The following SAMD9 variants were observed in gnomAD, a reference collection of about 807,000 sequenced individuals.
SAMD9 encodes sterile alpha motif domain containing 9.
In SAMD9, 3 loss-of-function variants were observed where a neutral mutation model predicts 1.5. The ratio of observed to expected loss-of-function variants is 2.05; its 90% CI spans 0.93 to 5.29. The LOEUF is 5.29. SAMD9 is among the 30% of genes most tolerant of loss of function. SAMD9 has a pLI of 0.02. For synonymous variants in SAMD9, 635 were observed against 631.9 expected (o/e 1.00, Z -0.07); for missense variants, 1,597 against 1,820.8 (o/e 0.88, Z 2.24).
At position 93,101,260 on chromosome 7, in the gene SAMD9, T is replaced by C; in HGVS notation, c.*68A>G. 2 of 1,273,502 alleles carry C rather than the reference T, an allele frequency of 1.6e-6. No individual in the cohort carries two copies. Among genetic ancestry groups the C allele is most frequent in the African/African-American group, 1.5e-5 (1 of 68,484 alleles). 78.9% of individuals were successfully genotyped at this position (1,273,502 alleles called of 1,614,324 possible). On this transcript the variant is annotated 3_prime_UTR_variant, in exon 3 of 3. Transcript: ENST00000379958. Reference sequence around the variant, plus strand: ...TCTATAACCTTGCCGGTTTAAAGCATAGATCTTGAGTCCAAAAAAATTAAA... The same window carrying C: ...TCTATAACCTTGCCGGTTTAAAGCACAGATCTTGAGTCCAAAAAAATTAAA...
chr7:93,104,452 A>G lies in SAMD9; in HGVS notation c.1646T>C (p.Val549Ala), dbSNP rs1584253938. ...AATGAGGGGATCTCTTGGGTCATCC[A>G]CAGAGGACAGTAATAGAAATACCAC... Reference protein sequence around the residue: ...FLVVFLLLSSVDDPRDPLIET... With the variant: ...FLVVFLLLSSADDPRDPLIET... Residue 549 changes from valine (V) to alanine (A), a missense_variant, in exon 3 of 3, where the codon GTG (valine) becomes GCG (alanine). Physicochemically the swap from Val to Ala is moderately conservative, Grantham distance 64. Around this residue, in one of 6 missense-constraint regions of SAMD9, gnomAD observed 358 missense variants for 460.4 expected, o/e 0.78. Transcript: ENST00000379958. 1.9e-6 allele frequency: 3 copies of G among 1,614,006 alleles called. No individual in the cohort carries two copies. Among genetic ancestry groups the G allele is most frequent in the East Asian group, 2.2e-5 (1 of 44,876 alleles).
At chr7:93,114,072 G>C (rs1372252621) in intron 2 of SAMD9, among the ~76,000 whole-genome samples, 1 of 152,052 alleles carries the variant, frequency 6.6e-6, no homozygotes, top group Non-Finnish European at 1.5e-5. Flanking sequence ...TTGATAGACT[G>C]GATTAAGAAA....
intron 2 of SAMD9, among the ~76,000 whole-genome samples, chr7:93,113,581 T>C (rs1257222348): frequency 2.0e-5 from 3 of 152,186 alleles, no homozygotes; most frequent in Non-Finnish European, 2.9e-5. Flanking sequence ...ATCCGGAATC[T>C]ATGAAGAACT....
intron 1 of SAMD9, among the ~76,000 whole-genome samples, chr7:93,115,265 T>C (rs1791815046): frequency 6.6e-6 from 1 of 152,258 alleles, no homozygotes; most frequent in Admixed American, 6.5e-5. Flanking sequence ...AGTGGAGCTC[T>C]CATATGCTGT....
At chr7:93,114,061 A>G (rs1451536168) in intron 2 of SAMD9, among the ~76,000 whole-genome samples, 1 of 152,154 alleles carries the variant, frequency 6.6e-6, no homozygotes, top group Non-Finnish European at 1.5e-5. Flanking sequence ...AATGTCCATC[A>G]TTGATAGACT....
chr7:93,102,722 C>A lies in SAMD9; in HGVS notation c.3376G>T (p.Val1126Phe). 3 of 1,613,876 alleles carry A rather than the reference C, an allele frequency of 1.9e-6. No homozygotes were observed. Among genetic ancestry groups the A allele is most frequent in the Non-Finnish European group, 2.5e-6 (3 of 1,179,774 alleles). The change falls in exon 3 of 3, where the codon GTC (valine) becomes TTC (phenylalanine). Residue 1126 changes from valine to phenylalanine, a missense_variant. This residue lies in a region of SAMD9 where 682 missense variants were observed against 810.0 expected (regional missense o/e 0.84). Transcript: ENST00000379958. ...CACCATCTTATTTTACTTTTGTAGACTTGACCCAGTGTATCTGAGATATAA... is the reference window on the plus strand; with the variant it reads ...CACCATCTTATTTTACTTTTGTAGAATTGACCCAGTGTATCTGAGATATAA... ...NSYISDTLGQ[V>F]YKSKIRWWIE...
In SAMD9 at chr7:93,100,444, T is replaced by A. The variant is rs1791508444; in HGVS notation, c.*884A>T. 2 of 152,200 alleles carry A rather than the reference T, an allele frequency of 1.3e-5. No homozygotes were observed. The allele number at this position is 152,200 out of a possible 1,614,324, so 9.4% of individuals were successfully genotyped here. On this transcript the variant is annotated 3_prime_UTR_variant, in exon 3 of 3. Coordinates refer to ENST00000379958, the MANE Select transcript of SAMD9 (RefSeq NM_017654.4). ...TTTGTTTTTTAATCAGCTTTCCACT[T>A]AATGGTTTTGGCAGCCATTGATGAC...
chr7:93,114,260 G>T (rs10240101), intron 2 of SAMD9, among the ~76,000 whole-genome samples: 69,436 of 148,060 alleles, frequency 0.47, 20,178 homozygotes, highest in African/African-American at 0.82. Context: ...TGAGAACACT[G>T]GGACACAGGT....
In SAMD9 at chr7:93,105,092, T is replaced by C. The variant is rs1791610505; in HGVS notation, c.1006A>G (p.Ser336Gly). ...QNYNNKIWEQ[S>G]KKFSLFVRDG... ...CGCACAAATAGTGAGAATTTTTTAC[T>C]TTGTTCCCATATTTTGTTGTTGTAA... Residue 336 changes from serine to glycine, a missense_variant, in exon 3 of 3, where the codon AGT (serine) becomes GGT (glycine). Around this residue, in one of 6 missense-constraint regions of SAMD9, gnomAD observed 498 missense variants for 457.4 expected, o/e 1.09. Transcript: ENST00000379958. 1.9e-6 allele frequency: 3 copies of C among 1,614,020 alleles called. No homozygotes were observed.
chr7:93,107,446 A>G (rs1791665431), intron 2 of SAMD9, among the ~76,000 whole-genome samples: 1 of 152,208 alleles, frequency 6.6e-6, no homozygotes. Flanking sequence ...ATTAATGTCA[A>G]TCTAGGCTAC....
At chr7:93,117,076 A>G (rs1791843204) in intron 1 of SAMD9, among the ~76,000 whole-genome samples, 1 of 152,210 alleles carries the variant, frequency 6.6e-6, no homozygotes, top group Non-Finnish European at 1.5e-5. Flanking sequence ...AAGACTTCCC[A>G]TAGTAGTCTA....
In SAMD9 at chr7:93,103,238, C is replaced by G; in HGVS notation, c.2860G>C (p.Glu954Gln). The change falls in exon 3 of 3, where the codon GAA (glutamate) becomes CAA (glutamine). Residue 954 changes from glutamate to glutamine, a missense_variant. Around this residue, in one of 6 missense-constraint regions of SAMD9, gnomAD observed 682 missense variants for 810.0 expected, o/e 0.84. Coordinates refer to ENST00000379958, the MANE Select transcript of SAMD9 (RefSeq NM_017654.4). ...IGNKKAFWGT[E>Q]KFEDKMGTYS... is the part of the protein sequence containing the mutation. The stretch of plus-strand genomic sequence containing the variant: ...GTGCCCATCTTGTCTTCAAATTTTT[C>G]TGTCCCCCAGAAAGCCTTCTTGTTT... The G allele has an allele frequency of 6.2e-7, 1 of 1,613,724 alleles. No individual in the cohort carries two copies. The highest frequency in any genetic ancestry group is 1.1e-5 in the South Asian group (1 of 91,070).
chr7:93,111,895 A>T (rs187624726), intron 2 of SAMD9, among the ~76,000 whole-genome samples: 1 of 152,354 alleles, frequency 6.6e-6, no homozygotes, highest in Admixed American at 6.5e-5. Context: ...AGGAGCTGGT[A>T]CCATTCCTTC....
intron 2 of SAMD9, among the ~76,000 whole-genome samples, chr7:93,111,340 C>A (rs1366984953): frequency 6.6e-6 from 1 of 152,154 alleles, no homozygotes; most frequent in African/African-American, 2.4e-5. Flanking sequence ...ACTAAATGCC[C>A]ACAGGAGATA....
Position 93,105,915 on chromosome 7 carries a change from A to C in SAMD9, c.183T>G (p.His61Gln). The C allele has an allele frequency of 6.2e-7, 1 of 1,613,946 alleles. No homozygotes were observed. Among genetic ancestry groups the C allele is most frequent in the Admixed American group, 1.7e-5 (1 of 60,006 alleles). The change falls in exon 3 of 3, where the codon CAT becomes CAG. Residue 61 changes from histidine to glutamine, a missense_variant. His to Gln is a conservative substitution (Grantham distance 24). Around this residue, in one of 6 missense-constraint regions of SAMD9, gnomAD observed 498 missense variants for 457.4 expected, o/e 1.09. Coordinates refer to ENST00000379958, the MANE Select transcript of SAMD9 (RefSeq NM_017654.4). ...KEHLVDMGIT[H>Q]GPAIQIEELF... ...GTTCTTCTATTTGAATAGCTGGTCCATGTGTGATGCCCATATCAACAAGAT... is the reference window on the plus strand; with the variant it reads ...GTTCTTCTATTTGAATAGCTGGTCCCTGTGTGATGCCCATATCAACAAGAT...
rs754494280 is a variant in SAMD9 at position 93,103,742 on chromosome 7, T to G, written c.2356A>C (p.Met786Leu). The G allele has an allele frequency of 1.2e-6, 2 of 1,613,984 alleles. No homozygotes were observed. The highest frequency in any genetic ancestry group is 8.5e-7 in the Non-Finnish European group (1 of 1,179,866). Residue 786 changes from methionine (M) to leucine (L), a missense_variant, in exon 3 of 3, where the codon ATG (methionine) becomes CTG (leucine). This residue lies in a region of SAMD9 where 358 missense variants were observed against 460.4 expected (regional missense o/e 0.78). Transcript: ENST00000379958. Reference protein sequence around the residue: ...QVTSLITYGAMNRQEYVPVLL... With the variant: ...QVTSLITYGALNRQEYVPVLL... Reference sequence around the variant, plus strand: ...ACAGGTACGTATTCCTGACGGTTCATTGCCCCATAGGTGATTAAACTGGTT... The same window carrying G: ...ACAGGTACGTATTCCTGACGGTTCAGTGCCCCATAGGTGATTAAACTGGTT...
rs530977610 is a variant in SAMD9, at chr7:93,110,928, A to T, written c.-9+3867T>A. Among the ~76,000 whole-genome samples, 9 of 152,320 alleles carry T rather than the reference A, an allele frequency of 5.9e-5. No homozygotes were observed. In the South Asian group the frequency reaches 1.7e-3, roughly 28 times the overall value. ...AGAAAGTTAACAACGATATCCAGGA[A>T]TTGAACTCAGCTCTGCACCAAGTGG... is the stretch of plus-strand genomic sequence containing the variant. On this transcript the variant is annotated intron_variant, in intron 2 of 2. Transcript: ENST00000379958.
intron 2 of SAMD9, among the ~76,000 whole-genome samples, chr7:93,109,931 C>T (rs764528856): frequency 2.0e-5 from 3 of 152,174 alleles, no homozygotes; most frequent in Non-Finnish European, 4.4e-5. Context: ...GGGAGGCCAA[C>T]ATTCAAATTC....
chr7:93,105,087 T>C lies in SAMD9; in HGVS notation c.1011A>G (p.Lys337=). The change falls in exon 3 of 3, where the codon AAA becomes AAG. Residue 337 remains lysine (K), a synonymous_variant. Transcript: ENST00000379958. ...NYNNKIWEQS[K]KFSLFVRDGT... ...CATCTCGCACAAATAGTGAGAATTT[T>C]TTACTTTGTTCCCATATTTTGTTGT... 6.2e-7 allele frequency: 1 copy of C among 1,613,998 alleles called. No homozygotes were observed. The highest frequency in any genetic ancestry group is 8.5e-7 in the Non-Finnish European group (1 of 1,179,954).
Sources: gnomAD v4.1 joint callset for allele counts (sites outside exome capture counted in the v4.1 genomes callset) on GRCh38, gnomAD v4.1.1 for gene constraint, gnomAD v4.1.1 regional missense constraint, MANE v1.5 for transcripts, NCBI Gene and HGNC (gene_info 2026-07-23, HGNC 2026-07-21) for gene names.